Variants in ATP6V1C1 observed in about 807,000 individuals in gnomAD.
The protein encoded by ATP6V1C1 is V-type proton ATPase subunit C 1.
Under a neutral mutation model 53.9 loss-of-function variants are expected in ATP6V1C1, and 45 were observed. The ratio of observed to expected loss-of-function variants is 0.83; its 90% CI spans 0.66 to 1.07. The LOEUF (loss-of-function observed/expected upper bound fraction) is 1.07, where lower values mean the gene tolerates loss of function less well. Ranked by LOEUF, ATP6V1C1 falls within the 50% of genes least tolerant of loss-of-function variation. The probability of loss-of-function intolerance (pLI) is 0.00; values close to 1 mark genes in which losing one functional copy is unlikely to be tolerated. For missense variants in ATP6V1C1, 315 were observed against 440.3 expected (o/e 0.72, Z 2.55); for synonymous variants, 153 against 155.2 (o/e 0.99, Z 0.11).
chr8:103,053,748 A>C, intron 6 of ATP6V1C1, 136 bp from the exon 7 acceptor site: 1 of 624,636 alleles, frequency 1.6e-6, no homozygotes, highest in East Asian at 3.2e-5. Flanking sequence ...GACTTCTTAC[A>C]AAGTAAAAAT....
chr8:103,051,512 A>G (rs550539326), intron 5 of ATP6V1C1, among the ~76,000 whole-genome samples: 2 of 152,278 alleles, frequency 1.3e-5, no homozygotes, highest in Admixed American at 1.3e-4. Context: ...AAGTATGTTT[A>G]TGTGCATACA....
At chr8:103,066,263 A>G in intron 11 of ATP6V1C1, 58 bp from the exon 12 acceptor site, 1 of 1,546,464 alleles carries the variant, frequency 6.5e-7, no homozygotes. Context: ...TGCTTTGAAA[A>G]GAAAATCTCT....
intron 2 of ATP6V1C1, 54 bp downstream of exon 2, chr8:103,041,022 A>C (rs1816990769): frequency 6.5e-7 from 1 of 1,548,680 alleles, no homozygotes; most frequent in Non-Finnish European, 8.8e-7. Flanking sequence ...GGGGAGGGCC[A>C]GTTCTCTCTT....
At chr8:103,038,180 G>T (rs1816930913) in intron 1 of ATP6V1C1, among the ~76,000 whole-genome samples, 1 of 152,118 alleles carries the variant, frequency 6.6e-6, no homozygotes, top group Admixed American at 6.5e-5. Flanking sequence ...TGGGAGATTG[G>T]CTGGGCTGGA....
In ATP6V1C1 at chr8:103,069,187, A is replaced by T. The variant is rs1817545136; in HGVS notation, c.*440A>T. 6.6e-6 allele frequency: 1 copy of T among 152,320 alleles called. No individual in the cohort carries two copies. The highest frequency in any genetic ancestry group is 6.5e-5 in the Admixed American group (1 of 15,282). The allele number at this position is 152,320 out of a possible 1,614,324, so 9.4% of individuals were successfully genotyped here. ...TGAATCATGATGTAAAGAATATGTGACCATCTTCAGGTATGGGATTTCTGA... is the reference window on the plus strand; with the variant it reads ...TGAATCATGATGTAAAGAATATGTGTCCATCTTCAGGTATGGGATTTCTGA... On this transcript the variant is annotated 3_prime_UTR_variant, in exon 13 of 13. Transcript: ENST00000518738.
At chr8:103,050,749 C>T (rs986932307) in intron 4 of ATP6V1C1, among the ~76,000 whole-genome samples, 2 of 152,062 alleles carry the variant, frequency 1.3e-5, no homozygotes, top group Non-Finnish European at 2.9e-5. Flanking sequence ...GTTTCTTAAT[C>T]TTTATGTCTC....
intron 4 of ATP6V1C1, among the ~76,000 whole-genome samples, chr8:103,049,504 A>G (rs1352107239): frequency 6.6e-6 from 1 of 152,216 alleles, no homozygotes; most frequent in African/African-American, 2.4e-5. Context: ...AGTTTGCTCT[A>G]TGTAGTAATG....
At chr8:103,045,744 A>G (rs1817083555) in intron 3 of ATP6V1C1, among the ~76,000 whole-genome samples, 2 of 152,120 alleles carry the variant, frequency 1.3e-5, no homozygotes, top group Non-Finnish European at 2.9e-5. Flanking sequence ...GATCGAGACC[A>G]TCCTGGCTAA....
chr8:103,044,858 C>T (rs1000010313), intron 3 of ATP6V1C1, among the ~76,000 whole-genome samples: 18 of 152,020 alleles, frequency 1.2e-4, no homozygotes, highest in African/African-American at 3.9e-4. Context: ...CCATGAACAT[C>T]GGATGTTACT....
chr8:103,063,412 T>C (rs1386585817), intron 10 of ATP6V1C1, 184 bp downstream of exon 10: 11 of 506,894 alleles, frequency 2.2e-5, no homozygotes, highest in African/African-American at 2.1e-4. Context: ...GAGATAACTA[T>C]TCTATTTCTA....
At chr8:103,064,262 GC>G (rs1193679125) in intron 10 of ATP6V1C1, among the ~76,000 whole-genome samples, 1 of 152,160 alleles carries the variant, frequency 6.6e-6, no homozygotes, top group African/African-American at 2.4e-5. Flanking sequence ...AAAACTAAGA[GC>G]TAGTGCTGTT....
At chr8:103,045,769 G>A (rs957019085) in intron 3 of ATP6V1C1, among the ~76,000 whole-genome samples, 12 of 151,938 alleles carry the variant, frequency 7.9e-5, no homozygotes, top group Admixed American at 2.0e-4. Context: ...ATGAAACCCC[G>A]TCTCTACTAA....
At chr8:103,068,393 C>G (rs1817531947) in intron 12 of ATP6V1C1, among the ~76,000 whole-genome samples, 1 of 152,226 alleles carries the variant, frequency 6.6e-6, no homozygotes, top group African/African-American at 2.4e-5. Context: ...TTGGTGGGAT[C>G]ATGCTAAATA....
In ATP6V1C1 at chr8:103,064,991, C is replaced by T. The variant is rs892750895; in HGVS notation, c.926+180C>T. Among the ~76,000 whole-genome samples the T allele has an allele frequency of 3.9e-5, 6 of 152,268 alleles. No individual in the cohort carries two copies. In the East Asian group the frequency reaches 1.2e-3, roughly 29 times the overall value. On this transcript the variant is annotated intron_variant, in intron 11 of 12. Coordinates refer to ENST00000518738, the MANE Select transcript of ATP6V1C1 (RefSeq NM_001695.5). ...TTATAAAATGCATATTAGTCTTGTT[C>T]TTTAGCACCAGGTTTAGAAAAAGAG...
chr8:103,032,001 T>TAAAAAAAAAAAAAAAAAAAAA (rs58257930), intron 1 of ATP6V1C1, among the ~76,000 whole-genome samples: 1 of 109,576 alleles, frequency 9.1e-6, no homozygotes, highest in African/African-American at 2.8e-5. Flanking sequence ...GCATATATTG[T>TAAAAAAAAAAAAAAAAAAAAA]AAAAAAAAAA....
intron 2 of ATP6V1C1, 55 bp from the exon 3 acceptor site, chr8:103,042,285 G>GTTT: frequency 9.7e-6 from 11 of 1,132,288 alleles, no homozygotes; most frequent in Admixed American, 2.2e-5. Flanking sequence ...GAATCATCTT[G>GTTT]TTTTTTTTTT....
intron 1 of ATP6V1C1, among the ~76,000 whole-genome samples, chr8:103,035,661 G>A (rs1683602250): frequency 2.6e-5 from 4 of 152,078 alleles, no homozygotes; most frequent in African/African-American, 9.7e-5. Context: ...GAAGGTCTAG[G>A]TACATTATTT....
At chr8:103,042,826 C>T (rs1316166243) in intron 3 of ATP6V1C1, among the ~76,000 whole-genome samples, 1 of 152,180 alleles carries the variant, frequency 6.6e-6, no homozygotes, top group African/African-American at 2.4e-5. Context: ...TTGGTCTGGA[C>T]ATTTCTTGTA....
In ATP6V1C1 at chr8:103,063,255, T is replaced by C. The variant is rs375278572; in HGVS notation, c.828+27T>C. On this transcript the variant is annotated intron_variant, in intron 10 of 12. Coordinates refer to ENST00000518738, the MANE Select transcript of ATP6V1C1 (RefSeq NM_001695.5). The stretch of plus-strand genomic sequence containing the variant: ...TATGTGTTTTTAATATTTAGTATTA[T>C]CAGTACTAAGCAGAAGAAAAAGTGG... The C allele has an allele frequency of 2.1e-6, 3 of 1,441,472 alleles. No individual in the cohort carries two copies. The African/African-American group carries it at 4.3e-5, about 20-fold the overall frequency. 89.3% of individuals were successfully genotyped at this position (1,441,472 alleles called of 1,614,324 possible).
Sources: gnomAD v4.1 joint callset for allele counts (sites outside exome capture counted in the v4.1 genomes callset) on GRCh38, gnomAD v4.1.1 for gene constraint, MANE v1.5 for transcripts, NCBI Gene and HGNC (gene_info 2026-07-23, HGNC 2026-07-21) for gene names.